Variants in RNF180 observed in about 807,000 individuals in gnomAD.
The protein encoded by RNF180 is ring finger protein 180.
In RNF180, 38 loss-of-function variants were observed where a neutral mutation model predicts 59.2. The observed-to-expected ratio is 0.64, with a 90% CI of 0.50 to 0.84. RNF180 has a LOEUF of 0.84. Ranked by LOEUF, RNF180 falls within the 40% of genes least tolerant of loss-of-function variation. The pLI, the probability that RNF180 is intolerant of heterozygous loss-of-function variation, is 0.00. For missense variants in RNF180, 705 were observed against 700.9 expected, an observed-to-expected ratio of 1.01 and a Z score of -0.07; for synonymous variants, 262 against 240.3, an observed-to-expected ratio of 1.09 and a Z score of -0.84.
intron 5 of RNF180, among the ~76,000 whole-genome samples, chr5:64,295,259 C>T (rs1742822385): frequency 6.6e-6 from 1 of 152,158 alleles, no homozygotes; most frequent in South Asian, 2.1e-4. Context: ...TCAGCCTGGG[C>T]TCTGCCCATC....
chr5:64,324,368 A>G (rs1744523392), intron 5 of RNF180, among the ~76,000 whole-genome samples: 1 of 152,184 alleles, frequency 6.6e-6, no homozygotes, highest in South Asian at 2.1e-4. Flanking sequence ...CCTAACATGC[A>G]CATCTTTGGG....
intron 5 of RNF180, among the ~76,000 whole-genome samples, chr5:64,287,198 C>G (rs974917389): frequency 3.3e-5 from 5 of 152,128 alleles, no homozygotes; most frequent in African/African-American, 1.2e-4. Context: ...AACTCCTGAC[C>G]TCATGATCCA....
chr5:64,358,476 A>C (rs566148923), intron 7 of RNF180, among the ~76,000 whole-genome samples: 91 of 151,924 alleles, frequency 6.0e-4, no homozygotes, highest in African/African-American at 2.1e-3. Flanking sequence ...GTAATGGATA[A>C]TCTTTTATAA....
At chr5:64,364,797 GA>G (rs2112612604) in intron 7 of RNF180, among the ~76,000 whole-genome samples, 1 of 151,722 alleles carries the variant, frequency 6.6e-6, no homozygotes, top group East Asian at 1.9e-4. Flanking sequence ...TCAGTCTTGG[GA>G]GGGTATATGT....
intron 5 of RNF180, among the ~76,000 whole-genome samples, chr5:64,311,213 A>G (rs1193285311): frequency 6.6e-6 from 1 of 151,954 alleles, no homozygotes; most frequent in Non-Finnish European, 1.5e-5. Context: ...AATTACAGTT[A>G]CTTTGATCTG....
At chr5:64,298,321 T>A (rs1742995165) in intron 5 of RNF180, among the ~76,000 whole-genome samples, 1 of 152,084 alleles carries the variant, frequency 6.6e-6, no homozygotes, top group African/African-American at 2.4e-5. Flanking sequence ...TGCCCATGCC[T>A]ATGTCCAGGT....
At chr5:64,223,426 C>G (rs1433567404) in intron 5 of RNF180, among the ~76,000 whole-genome samples, 2 of 152,180 alleles carry the variant, frequency 1.3e-5, no homozygotes, top group African/African-American at 4.8e-5. Context: ...TTTGGGGAGT[C>G]ATTATTCTGC....
intron 5 of RNF180, among the ~76,000 whole-genome samples, chr5:64,276,067 C>A (rs1741694917): frequency 6.6e-6 from 1 of 151,978 alleles, no homozygotes; most frequent in Admixed American, 6.6e-5. Context: ...TGCCCCAACC[C>A]CATAGAATCT....
intron 1 of RNF180, among the ~76,000 whole-genome samples, chr5:64,190,279 T>C (rs1751075756): frequency 6.6e-6 from 1 of 152,202 alleles, no homozygotes; most frequent in African/African-American, 2.4e-5. Context: ...ATCCCTTTCT[T>C]TGTTCTGATT....
At chr5:64,275,662 T>C (rs1741674979) in intron 5 of RNF180, among the ~76,000 whole-genome samples, 4 of 152,068 alleles carry the variant, frequency 2.6e-5, no homozygotes, top group South Asian at 2.1e-4. Flanking sequence ...TACAGGGCCT[T>C]CTTCTCTCTT....
At chr5:64,257,353 T>C (rs1580125929) in intron 5 of RNF180, among the ~76,000 whole-genome samples, 1 of 152,230 alleles carries the variant, frequency 6.6e-6, no homozygotes, top group East Asian at 1.9e-4. Flanking sequence ...CATAAATAGC[T>C]CTTATTATTT....
At chr5:64,303,711 G>A (rs764737984) in intron 5 of RNF180, among the ~76,000 whole-genome samples, 1 of 151,628 alleles carries the variant, frequency 6.6e-6, no homozygotes, top group African/African-American at 2.4e-5. Flanking sequence ...GAAAGAAGCT[G>A]TCTCTATAAC....
intron 2 of RNF180, among the ~76,000 whole-genome samples, chr5:64,202,513 T>C (rs1234769240): frequency 6.6e-6 from 1 of 152,124 alleles, no homozygotes. Context: ...AGGAATGGAT[T>C]TTTGGGGTCA....
chr5:64,338,510 C>T (rs890498001), intron 7 of RNF180, among the ~76,000 whole-genome samples: 1 of 151,902 alleles, frequency 6.6e-6, no homozygotes, highest in Non-Finnish European at 1.5e-5. Flanking sequence ...TGGCGGGTGC[C>T]TGTAGTCCCA....
At chr5:64,344,234 G>A (rs1231632443) in intron 7 of RNF180, among the ~76,000 whole-genome samples, 1 of 151,964 alleles carries the variant, frequency 6.6e-6, no homozygotes, top group Admixed American at 6.6e-5. Flanking sequence ...GGCACAGAAA[G>A]GTTGGAAGTA....
At chr5:64,248,460 T>A (rs1743334552) in intron 5 of RNF180, among the ~76,000 whole-genome samples, 2 of 152,094 alleles carry the variant, frequency 1.3e-5, no homozygotes, top group South Asian at 4.1e-4. Flanking sequence ...AAAAGACACT[T>A]CTCAAAAGAA....
intron 5 of RNF180, among the ~76,000 whole-genome samples, chr5:64,286,008 T>C (rs1159297022): frequency 6.6e-6 from 1 of 152,044 alleles, no homozygotes; most frequent in African/African-American, 2.4e-5. Flanking sequence ...TCCCACCTGC[T>C]CAACCCCCCC....
intron 5 of RNF180, among the ~76,000 whole-genome samples, chr5:64,244,569 C>G (rs978874059): frequency 3.9e-5 from 6 of 152,142 alleles, no homozygotes; most frequent in Admixed American, 3.3e-4. Context: ...AAACAAAAGA[C>G]TCCAAGAAAT....
At chr5:64,228,908 A>G (rs986994701) in intron 5 of RNF180, among the ~76,000 whole-genome samples, 4 of 131,474 alleles carry the variant, frequency 3.0e-5, no homozygotes, top group African/African-American at 1.1e-4. Context: ...AAAACTTTCT[A>G]TTACTGCTTT....
Sources: allele counts gnomAD v4.1 joint callset (sites outside exome capture counted in the v4.1 genomes callset), GRCh38; gene constraint gnomAD v4.1.1; transcripts MANE v1.5; gene names NCBI Gene and HGNC (gene_info 2026-07-23, HGNC 2026-07-21).